ERVFRD-1: variants seen among roughly 807,000 people sequenced by gnomAD.
The protein encoded by ERVFRD-1 is endogenous retrovirus group FRD member 1, envelope.
ERVFRD-1 carries 33 observed loss-of-function variants against 43.8 expected under a neutral mutation model. That is an observed-to-expected ratio of 0.75 (90% confidence interval 0.57 to 1.01). The LOEUF (loss-of-function observed/expected upper bound fraction) is 1.01, where lower values mean the gene tolerates loss of function less well. ERVFRD-1 is among the 50% of genes least tolerant of loss of function. ERVFRD-1 has a pLI of 0.00. For missense variants in ERVFRD-1, 568 were observed against 658.4 expected, an observed-to-expected ratio of 0.86 and a Z score of 1.50; for synonymous variants, 239 against 244.4, an observed-to-expected ratio of 0.98 and a Z score of 0.21.
Position 11,104,247 on chromosome 6 carries a change from A to G in ERVFRD-1, c.1064T>C (p.Ile355Thr). The G allele has an allele frequency of 6.4e-7, 1 of 1,551,702 alleles. No homozygotes were observed. Among genetic ancestry groups the G allele is most frequent in the Non-Finnish European group, 8.7e-7 (1 of 1,146,994 alleles). ...AATGCCGAGTCCCGCGAGAAGGGGA[A>G]TGAAATGGATTGCCCTCCTCACCCT... ...LPRVRRAIHF[I>T]PLLAGLGILA... The change falls in exon 2 of 2, where the codon ATT becomes ACT. Residue 355 changes from isoleucine (I) to threonine (T), a missense_variant. Coordinates refer to ENST00000472091, the MANE Select transcript of ERVFRD-1 (RefSeq NM_207582.3).
chr6:11,103,527 T>G lies in ERVFRD-1; in HGVS notation c.*167A>C, dbSNP rs1758030034. ...TCAGTCTTCTTTAACTGCTTCCTGC[T>G]GACAGAGGGGCTGTAGTGGTTGTTC... On this transcript the variant is annotated 3_prime_UTR_variant, in exon 2 of 2. Coordinates refer to ENST00000472091, the MANE Select transcript of ERVFRD-1 (RefSeq NM_207582.3). The G allele has an allele frequency of 2.0e-6, 2 of 996,326 alleles. No individual in the cohort carries two copies. The highest frequency in any genetic ancestry group is 2.8e-6 in the Non-Finnish European group (2 of 717,762). The allele number at this position is 996,326 out of a possible 1,614,324, so 61.7% of individuals were successfully genotyped here. A position where few individuals can be genotyped will look rare whatever the true frequency, so the allele number is the denominator to read the frequency against.
intron 1 of ERVFRD-1, among the ~76,000 whole-genome samples, chr6:11,107,659 A>C (rs1758106568): frequency 6.6e-6 from 1 of 152,242 alleles, no homozygotes; most frequent in African/African-American, 2.4e-5. Flanking sequence ...ACCACTGAGC[A>C]TCTGGAGGTT....
At position 11,105,992 on chromosome 6, in the gene ERVFRD-1, T is replaced by G. The variant is rs1381159864; in HGVS notation, c.-320-362A>C. 2.0e-5 allele frequency among the ~76,000 whole-genome samples: 3 copies of G among 152,282 alleles called. 1 individual carries two copies. The highest frequency in any genetic ancestry group is 4.1e-4 in the South Asian group (2 of 4,826). ...GAGGTACACCCATGGCTGTGCTGTTTCCTGGCAGAGTTTGTTGGGGATGTG... is the reference window on the plus strand; with the variant it reads ...GAGGTACACCCATGGCTGTGCTGTTGCCTGGCAGAGTTTGTTGGGGATGTG... On this transcript the variant is annotated intron_variant, in intron 1 of 1. Transcript: ENST00000472091.
At position 11,104,739 on chromosome 6, in the gene ERVFRD-1, C is replaced by T. The variant is rs752953220; in HGVS notation, c.572G>A (p.Arg191Gln). The T allele has an allele frequency of 1.2e-5, 20 of 1,614,042 alleles. No individual in the cohort carries two copies. The highest frequency in any genetic ancestry group is 3.3e-5 in the South Asian group (3 of 91,084). ...TGAGCTTGGGCGTCCCTGGCAAAACCGGCTGGATTTATCTAGCAAAGTTCC... is the reference window on the plus strand; with the variant it reads ...TGAGCTTGGGCGTCCCTGGCAAAACTGGCTGGATTTATCTAGCAAAGTTCC... ...PQGTLLDKSS[R>Q]FCQGRPSSCS... is the part of the protein sequence containing the mutation. The change falls in exon 2 of 2, where the codon CGG (arginine) becomes CAG (glutamine). Residue 191 changes from arginine to glutamine, a missense_variant. Coordinates refer to ENST00000472091, the MANE Select transcript of ERVFRD-1 (RefSeq NM_207582.3).
intron 1 of ERVFRD-1, among the ~76,000 whole-genome samples, chr6:11,106,312 T>A (rs72825122): frequency 0.02 from 3,071 of 152,338 alleles, 47 homozygotes; most frequent in South Asian, 0.049. Flanking sequence ...CTGAGTGAAG[T>A]CCATCTGCCA....
In ERVFRD-1 at chr6:11,103,791, A is replaced by G. The variant is rs2113642380; in HGVS notation, c.1520T>C (p.Ile507Thr). Residue 507 changes from isoleucine to threonine, a missense_variant, in exon 2 of 2, where the codon ATA becomes ACA. By Grantham distance (89) the Ile-to-Thr change is moderately conservative. Transcript: ENST00000472091. ...LLFGPCLLNLITQFVSSRLQA... is the reference protein window; with the variant it reads ...LLFGPCLLNLTTQFVSSRLQA... ...AAGGCGAGAGGAGACAAATTGGGTT[A>G]TTAGATTTAGGAGACATGGACCAAA... The G allele has an allele frequency of 6.4e-7, 1 of 1,551,688 alleles. No homozygotes were observed. The highest frequency in any genetic ancestry group is 2.4e-5 in the East Asian group (1 of 40,920).
At chr6:11,111,076 T>C (rs1184653253) in intron 1 of ERVFRD-1, among the ~76,000 whole-genome samples, 2 of 152,060 alleles carry the variant, frequency 1.3e-5, no homozygotes, top group Admixed American at 6.5e-5. Flanking sequence ...GGGTTGGAGG[T>C]CATCCGAGCT....
In ERVFRD-1 at chr6:11,105,613, TC is replaced by T; in HGVS notation, c.-304del. 3.0e-6 allele frequency: 1 copy of T among 333,784 alleles called. No individual in the cohort carries two copies. The highest frequency in any genetic ancestry group is 5.8e-6 in the Non-Finnish European group (1 of 171,612). 20.7% of individuals were successfully genotyped at this position (333,784 alleles called of 1,614,324 possible). On this transcript the variant is annotated 5_prime_UTR_variant, in exon 2 of 2. Coordinates refer to ENST00000472091, the MANE Select transcript of ERVFRD-1 (RefSeq NM_207582.3). ...TGGGTGTGATGGATCTAGCTGGCAG[TC>T]TCCAGTACTGTAATGGCTGTAGGGG...
At chr6:11,106,458 C>T (rs28799673) in intron 1 of ERVFRD-1, among the ~76,000 whole-genome samples, 9 of 152,340 alleles carry the variant, frequency 5.9e-5, no homozygotes, top group African/African-American at 2.2e-4. Context: ...GTCCCTCCCC[C>T]ACTGAACACT....
At chr6:11,110,931 A>G (rs1229767654) in intron 1 of ERVFRD-1, among the ~76,000 whole-genome samples, 2 of 152,164 alleles carry the variant, frequency 1.3e-5, no homozygotes, top group East Asian at 1.9e-4. Context: ...AAGCAAGCAA[A>G]CCATTCAAAA....
intron 1 of ERVFRD-1, among the ~76,000 whole-genome samples, chr6:11,110,029 A>G (rs929661597): frequency 6.6e-6 from 1 of 152,096 alleles, no homozygotes; most frequent in Non-Finnish European, 1.5e-5. Context: ...CTTACCAGGT[A>G]CCCCTAACCT....
chr6:11,103,498 A>G lies in ERVFRD-1; in HGVS notation c.*196T>C, dbSNP rs1005301358. 4.0e-6 allele frequency: 3 copies of G among 746,910 alleles called. No homozygotes were observed. In the East Asian group the frequency reaches 8.3e-5, roughly 21 times the overall value. The allele number at this position is 746,910 out of a possible 1,614,324, so 46.3% of individuals were successfully genotyped here. ...ACCCAATTATCTGGGAAAATGGACGAAGGTCAGTCTTCTTTAACTGCTTCC... is the reference window on the plus strand; with the variant it reads ...ACCCAATTATCTGGGAAAATGGACGGAGGTCAGTCTTCTTTAACTGCTTCC... On this transcript the variant is annotated 3_prime_UTR_variant, in exon 2 of 2. Transcript: ENST00000472091.
chr6:11,105,221 T>C lies in ERVFRD-1; in HGVS notation c.90A>G (p.Gln30=), dbSNP rs1758067217. ...PDFPLLEKAQ[Q]LLQSTGSPYS... is the part of the protein sequence containing the mutation. ...AAGGGGATCCTGTACTTTGGAGCAG[T>C]TGCTGAGCTTTTTCCAATAACGGGA... Residue 30 remains glutamine, a synonymous_variant, in exon 2 of 2, where the codon CAA becomes CAG. Transcript: ENST00000472091. 1 of 1,614,052 alleles carries C rather than the reference T, an allele frequency of 6.2e-7. No homozygotes were observed. Among genetic ancestry groups the C allele is most frequent in the African/African-American group, 1.3e-5 (1 of 74,922 alleles).
In ERVFRD-1 at chr6:11,105,438, T is replaced by G. The variant is rs1361844062; in HGVS notation, c.-128A>C. 4 of 691,766 alleles carry G rather than the reference T, an allele frequency of 5.8e-6. No individual in the cohort carries two copies. Among genetic ancestry groups the G allele is most frequent in the African/African-American group, 1.8e-5 (1 of 55,320 alleles). 42.9% of individuals were successfully genotyped at this position (691,766 alleles called of 1,614,324 possible). On this transcript the variant is annotated 5_prime_UTR_variant, in exon 2 of 2. An upstream open reading frame in the 5' UTR loses its in-frame stop. Transcript: ENST00000472091. Reference sequence around the variant, plus strand: ...TAAAATTTCTAGTATTGGGATCACCTTACTTTGAGGTGAAAGGATGTTGGT... The same window carrying G: ...TAAAATTTCTAGTATTGGGATCACCGTACTTTGAGGTGAAAGGATGTTGGT...
rs768360608 is a variant in ERVFRD-1 at position 11,104,663 on chromosome 6, C to A, written c.648G>T (p.Leu216=). ...CTGTAGAGCTGAGGTTGGAAATTTG[C>A]AGACATTGGTTATAATCAGCAGGCC... The part of the protein sequence containing the change: ...WFRPADYNQC[L]QISNLSSTAE... The change falls in exon 2 of 2, where the codon CTG becomes CTT. Residue 216 remains leucine, a synonymous_variant. Transcript: ENST00000472091. The A allele has an allele frequency of 1.2e-6, 2 of 1,614,080 alleles. No individual in the cohort carries two copies. Among genetic ancestry groups the A allele is most frequent in the Non-Finnish European group, 1.7e-6 (2 of 1,180,054 alleles).
In ERVFRD-1 at chr6:11,104,549, G is replaced by T; in HGVS notation, c.762C>A (p.Val254=). The change falls in exon 2 of 2, where the codon GTC becomes GTA. Residue 254 remains valine, a synonymous_variant. Transcript: ENST00000472091. ...CTATAGTCATGCCTGCTAAGACTTG[G>T]ACGCAGGGTGTTTGGCTCTGGTTAG... The part of the protein sequence containing the change: ...KGANQSQTPC[V]QVLAGMTIAT... 6.3e-7 allele frequency: 1 copy of T among 1,593,210 alleles called. No homozygotes were observed. The highest frequency in any genetic ancestry group is 8.6e-7 in the Non-Finnish European group (1 of 1,169,042).
intron 1 of ERVFRD-1, among the ~76,000 whole-genome samples, chr6:11,108,725 A>G (rs895829803): frequency 3.0e-4 from 45 of 152,152 alleles, no homozygotes; most frequent in Non-Finnish European, 1.6e-4. Context: ...CAAGGAACCT[A>G]CTTTGCAGAT....
chr6:11,110,457 TAAG>T (rs1469951935), intron 1 of ERVFRD-1, among the ~76,000 whole-genome samples: 1 of 152,212 alleles, frequency 6.6e-6, no homozygotes. Context: ...CCATGTTCTT[TAAG>T]AAGACGAGAA....
intron 1 of ERVFRD-1, among the ~76,000 whole-genome samples, chr6:11,109,849 A>G (rs137931679): frequency 8.5e-5 from 13 of 152,206 alleles, no homozygotes; most frequent in Admixed American, 2.6e-4. Context: ...GTCCACAGAG[A>G]GAACAGAGGA....
Sources: allele counts gnomAD v4.1 joint callset (sites outside exome capture counted in the v4.1 genomes callset), GRCh38; gene constraint gnomAD v4.1.1; transcripts MANE v1.5; gene names NCBI Gene and HGNC (gene_info 2026-07-23, HGNC 2026-07-21).